Variants in CRB1 observed in about 807,000 individuals in gnomAD.
CRB1 encodes the protein crumbs cell polarity complex component 1.
CRB1 carries 83 observed loss-of-function variants against 120.0 expected under a neutral mutation model. That is an observed-to-expected ratio of 0.69 (90% CI 0.58 to 0.83). The LOEUF (loss-of-function observed/expected upper bound fraction) is 0.83. Ranked by LOEUF, CRB1 falls within the 40% of genes least tolerant of loss-of-function variation. The pLI is 0.00. For missense variants in CRB1, 1,699 were observed against 1,687.6 expected (o/e 1.01, Z -0.12); for synonymous variants, 625 against 612.5 (o/e 1.02, Z -0.30).
the CRB1 span, among the ~76,000 whole-genome samples, chr1:197,232,199 G>A: frequency 6.6e-5 from 10 of 152,166 alleles, no homozygotes; most frequent in African/African-American, 9.7e-5. Context: ...AGGGAATGCA[G>A]TTCAGGTAAC....
chr1:197,363,851 T>A, intron 5 of CRB1: 1 of 864,068 alleles, frequency 1.2e-6, no homozygotes, highest in Non-Finnish European at 2.0e-6. Context: ...ACCAGGACTG[T>A]GATGGTATAG....
At chr1:197,251,475 A>C in the CRB1 span, among the ~76,000 whole-genome samples, 1 of 151,968 alleles carries the variant, frequency 6.6e-6, no homozygotes, top group African/African-American at 2.4e-5. Context: ...GTAATTATTA[A>C]ATATTTATTT....
chr1:197,359,538 G>T (rs760166308), intron 5 of CRB1, among the ~76,000 whole-genome samples: 10 of 152,150 alleles, frequency 6.6e-5, no homozygotes, highest in Admixed American at 3.9e-4. Flanking sequence ...AACAGCCGCT[G>T]AATAAAGCTG....
chr1:197,256,221 T>C, the CRB1 span, among the ~76,000 whole-genome samples: 1 of 151,536 alleles, frequency 6.6e-6, no homozygotes, highest in Non-Finnish European at 1.5e-5. Flanking sequence ...GAAATACTTA[T>C]TTTGCCTTCT....
At chr1:197,428,324 G>T (rs1266297305) in intron 7 of CRB1, among the ~76,000 whole-genome samples, 2 of 152,112 alleles carry the variant, frequency 1.3e-5, no homozygotes, top group African/African-American at 4.8e-5. Flanking sequence ...GCACACCAGA[G>T]GTTTAACTGA....
intron 2 of CRB1, among the ~76,000 whole-genome samples, chr1:197,333,429 A>G (rs1478035373): frequency 1.3e-5 from 2 of 152,232 alleles, no homozygotes; most frequent in Admixed American, 6.5e-5. Context: ...GCAATGAATC[A>G]TTTCATAATT....
intron 5 of CRB1, among the ~76,000 whole-genome samples, chr1:197,415,444 T>C (rs1663930260): frequency 6.6e-6 from 1 of 152,056 alleles, no homozygotes; most frequent in Non-Finnish European, 1.5e-5. Flanking sequence ...TCCCAGACCT[T>C]CTCCACTCTG....
chr1:197,290,361 G>T (rs963357569), intron 1 of CRB1, among the ~76,000 whole-genome samples: 2 of 151,278 alleles, frequency 1.3e-5, no homozygotes, highest in South Asian at 2.1e-4. Context: ...TAGATGCAGA[G>T]TCTCAGGGTT....
the CRB1 span, among the ~76,000 whole-genome samples, chr1:197,262,993 A>T: frequency 6.6e-6 from 1 of 152,098 alleles, no homozygotes; most frequent in Non-Finnish European, 1.5e-5. Context: ...TGAACATATG[A>T]TTGCATGTGT....
At chr1:197,326,972 T>G (rs1035647664) in intron 1 of CRB1, among the ~76,000 whole-genome samples, 4 of 151,442 alleles carry the variant, frequency 2.6e-5, no homozygotes, top group Non-Finnish European at 5.9e-5. Flanking sequence ...TTCAGTAAAT[T>G]TTCTATTAAG....
the CRB1 span, among the ~76,000 whole-genome samples, chr1:197,253,834 A>G: frequency 6.6e-6 from 1 of 152,090 alleles, no homozygotes; most frequent in Non-Finnish European, 1.5e-5. Context: ...TTAAGGAAAT[A>G]ACAGCTTTTG....
chr1:197,215,575 G>A, the CRB1 span, among the ~76,000 whole-genome samples: 1 of 151,976 alleles, frequency 6.6e-6, no homozygotes, highest in Non-Finnish European at 1.5e-5. Flanking sequence ...TGTGCCCGGC[G>A]GGAGGTAATT....
chr1:197,227,879 C>T, the CRB1 span, among the ~76,000 whole-genome samples: 4 of 152,182 alleles, frequency 2.6e-5, no homozygotes, highest in South Asian at 2.1e-4. Flanking sequence ...GAAATCTAGA[C>T]GGAGGTTCCC....
intron 8 of CRB1, among the ~76,000 whole-genome samples, chr1:197,430,197 G>A (rs1162441625): frequency 1.3e-5 from 2 of 152,120 alleles, no homozygotes; most frequent in African/African-American, 4.8e-5. Context: ...TTAGCAATTT[G>A]AATACTATAC....
chr1:197,422,313 GAA>G (rs79576083), intron 6 of CRB1, among the ~76,000 whole-genome samples: 6 of 146,080 alleles, frequency 4.1e-5, no homozygotes, highest in African/African-American at 7.6e-5. Context: ...ATAATCTTTT[GAA>G]AAAAAAAAAC....
At position 197,305,276 on chromosome 1, in the gene CRB1, A is replaced by G. The variant is rs1426288017; in HGVS notation, c.71-23146A>G. 2.6e-5 allele frequency among the ~76,000 whole-genome samples: 4 copies of G among 152,146 alleles called. 1 individual carries two copies. The highest frequency in any genetic ancestry group is 3.8e-4 in the East Asian group (2 of 5,196). On this transcript the variant is annotated intron_variant, in intron 1 of 11. Coordinates refer to ENST00000367400, the MANE Select transcript of CRB1 (RefSeq NM_201253.3). ...CTATTTGTAATGTAATTTTATTACT[A>G]TCCTATAATTATCCTTGTTGGTGTT...
At chr1:197,307,183 A>G (rs1470753923) in intron 1 of CRB1, among the ~76,000 whole-genome samples, 1 of 152,200 alleles carries the variant, frequency 6.6e-6, no homozygotes, top group Non-Finnish European at 1.5e-5. Context: ...AAGTTCTCAT[A>G]GAACTGATAG....
chr1:197,427,532 C>A lies in CRB1; in HGVS notation c.2207C>A (p.Thr736Asn). 6.2e-7 allele frequency: 1 copy of A among 1,613,884 alleles called. No individual in the cohort carries two copies. The highest frequency in any genetic ancestry group is 1.1e-5 in the South Asian group (1 of 91,038). Residue 736 changes from threonine to asparagine, a missense_variant, in exon 7 of 12, where the codon ACC becomes AAC. Transcript: ENST00000367400. ...IFTLDESYGD[T>N]ISLSMFVRTL... ...ACTCTTGATGAGAGCTATGGAGACA[C>A]CATCAGCCTCTCCATGTTTGTCCGA...
At position 197,421,811 on chromosome 1, in the gene CRB1, C is replaced by G; in HGVS notation, c.1983C>G (p.Gly661=). The G allele has an allele frequency of 6.2e-7, 1 of 1,614,152 alleles. No individual in the cohort carries two copies. The highest frequency in any genetic ancestry group is 8.5e-7 in the Non-Finnish European group (1 of 1,180,036). Residue 661 remains glycine, a synonymous_variant, in exon 6 of 12, where the codon GGC becomes GGG. Coordinates refer to ENST00000367400, the MANE Select transcript of CRB1 (RefSeq NM_201253.3). The stretch of plus-strand genomic sequence containing the variant: ...TTACCCTGGAGAACATCTCGTCTGG[C>G]TCATCATTAAATGTCAAGGCAGGCT... ...NHITLENISS[G]SSLNVKAGCV...
Sources: gnomAD v4.1 joint callset for allele counts (sites outside exome capture counted in the v4.1 genomes callset) on GRCh38, gnomAD v4.1.1 for gene constraint, MANE v1.5 for transcripts, NCBI Gene and HGNC (gene_info 2026-07-23, HGNC 2026-07-21) for gene names.